Variants in STK32B observed in about 807,000 individuals in gnomAD.
STK32B encodes serine/threonine-protein kinase 32B.
Under a neutral mutation model 52.6 loss-of-function variants are expected in STK32B, and 43 were observed. That is an observed-to-expected ratio of 0.82 (90% CI 0.64 to 1.05). The LOEUF is 1.05. Among genes scored for constraint, STK32B ranks in the 50% least tolerant of loss-of-function variants. The pLI, the probability that STK32B is intolerant of heterozygous loss-of-function variation, is 0.00. For missense variants in STK32B, 621 were observed against 534.6 expected, an observed-to-expected ratio of 1.16 and a Z score of -1.59; for synonymous variants, 238 against 204.3, an observed-to-expected ratio of 1.17 and a Z score of -1.41.
intron 3 of STK32B, among the ~76,000 whole-genome samples, chr4:5,302,456 C>T (rs553576051): frequency 1.3e-5 from 2 of 152,124 alleles, no homozygotes; most frequent in Non-Finnish European, 2.9e-5. Flanking sequence ...TTACATTGTA[C>T]ATTTAGATCT....
chr4:5,142,907 T>G (rs1040000395), intron 2 of STK32B, among the ~76,000 whole-genome samples: 1 of 152,152 alleles, frequency 6.6e-6, no homozygotes, highest in African/African-American at 2.4e-5. Context: ...TTGAAGACTT[T>G]AGGAGAAAAA....
intron 6 of STK32B, among the ~76,000 whole-genome samples, chr4:5,425,403 G>A (rs1201040530): frequency 6.6e-6 from 1 of 152,212 alleles, no homozygotes; most frequent in African/African-American, 2.4e-5. Context: ...TGGCAAAGCT[G>A]GCATTTGGCC....
At chr4:5,190,789 T>G (rs1472400735) in intron 3 of STK32B, among the ~76,000 whole-genome samples, 1 of 152,052 alleles carries the variant, frequency 6.6e-6, no homozygotes, top group African/African-American at 2.4e-5. Flanking sequence ...AAGTAGCACC[T>G]CTTGGGTTTT....
intron 2 of STK32B, among the ~76,000 whole-genome samples, chr4:5,142,801 C>T (rs145953200): frequency 2.0e-5 from 3 of 152,252 alleles, no homozygotes; most frequent in African/African-American, 7.2e-5. Context: ...GATGTCCCTG[C>T]GAAGGTATTT....
At chr4:5,036,648 G>C in the STK32B span, among the ~76,000 whole-genome samples, 1 of 148,314 alleles carries the variant, frequency 6.7e-6, no homozygotes. Flanking sequence ...TAAATACCAA[G>C]GCAAGGGTGG....
intron 1 of STK32B, among the ~76,000 whole-genome samples, chr4:5,089,916 G>A (rs764895558): frequency 5.9e-5 from 9 of 152,070 alleles, no homozygotes; most frequent in Non-Finnish European, 1.0e-4. Context: ...TCTGACTGGC[G>A]TGAGATGGTA....
chr4:5,381,626 G>A (rs911536392), intron 4 of STK32B, among the ~76,000 whole-genome samples: 1 of 152,308 alleles, frequency 6.6e-6, no homozygotes, highest in East Asian at 1.9e-4. Flanking sequence ...TCTTGCCTTC[G>A]CTACCCAGAG....
intron 4 of STK32B, among the ~76,000 whole-genome samples, chr4:5,351,965 C>T (rs1733854843): frequency 6.6e-6 from 1 of 151,906 alleles, no homozygotes; most frequent in African/African-American, 2.4e-5. Flanking sequence ...TAAAAAGTCT[C>T]TCAAAAAAGA....
At chr4:5,486,795 T>C (rs1290922482) in intron 11 of STK32B, among the ~76,000 whole-genome samples, 1 of 152,228 alleles carries the variant, frequency 6.6e-6, no homozygotes, top group Non-Finnish European at 1.5e-5. Context: ...ATTCAGGGCA[T>C]ACATTGCAGA....
At chr4:5,314,948 T>C (rs1418770135) in intron 3 of STK32B, among the ~76,000 whole-genome samples, 1 of 152,178 alleles carries the variant, frequency 6.6e-6, no homozygotes, top group Non-Finnish European at 1.5e-5. Flanking sequence ...CAAAAGCATG[T>C]ATCATAAAAG....
intron 1 of STK32B, among the ~76,000 whole-genome samples, chr4:5,079,375 G>C (rs374236222): frequency 1.3e-3 from 200 of 152,160 alleles, no homozygotes; most frequent in African/African-American, 4.7e-3. Context: ...TATCAATCTT[G>C]ACTTTATTCC....
At chr4:5,177,881 C>T (rs187319360) in intron 3 of STK32B, among the ~76,000 whole-genome samples, 2 of 152,246 alleles carry the variant, frequency 1.3e-5, no homozygotes, top group Non-Finnish European at 2.9e-5. Flanking sequence ...GCAGCTCTGC[C>T]TCTGTGGCTT....
At chr4:5,496,446 G>T (rs925520461) in intron 11 of STK32B, among the ~76,000 whole-genome samples, 10 of 152,130 alleles carry the variant, frequency 6.6e-5, no homozygotes, top group African/African-American at 2.2e-4. Context: ...GTATTGGGGT[G>T]GGAGTGACCC....
At chr4:5,162,420 T>A (rs1718519778) in intron 2 of STK32B, among the ~76,000 whole-genome samples, 1 of 152,176 alleles carries the variant, frequency 6.6e-6, no homozygotes, top group African/African-American at 2.4e-5. Context: ...AAGTCAGGAC[T>A]GTGACCACCG....
intron 6 of STK32B, among the ~76,000 whole-genome samples, chr4:5,426,692 C>CAAAAACAAAAAA (rs1713128025): frequency 1.3e-5 from 1 of 78,014 alleles, no homozygotes; most frequent in Non-Finnish European, 2.4e-5. Context: ...TCCATCTAAA[C>CAAAAACAAAAAA]AAAAAAAAAA....
In STK32B at chr4:5,298,616, A is replaced by G. The variant is rs1329730109; in HGVS notation, c.261-32604A>G. On this transcript the variant is annotated intron_variant, in intron 3 of 11. Transcript: ENST00000282908. ...AAAAACTGCCTACTCAAGCCTCAGTAATGGCAGGTGCCCCTCCCCACCACC... is the reference window on the plus strand; with the variant it reads ...AAAAACTGCCTACTCAAGCCTCAGTGATGGCAGGTGCCCCTCCCCACCACC... Among the ~76,000 whole-genome samples, 10 of 152,086 alleles carry G rather than the reference A, an allele frequency of 6.6e-5. No homozygotes were observed. In the East Asian group the frequency reaches 1.4e-3, roughly 21 times the overall value.
At chr4:5,332,645 G>A (rs965442523) in intron 4 of STK32B, among the ~76,000 whole-genome samples, 3 of 151,890 alleles carry the variant, frequency 2.0e-5, no homozygotes, top group East Asian at 1.9e-4. Flanking sequence ...ATCCCTCCCC[G>A]CTGCCTCCAC....
chr4:5,431,683 A>G (rs897993795), intron 6 of STK32B, among the ~76,000 whole-genome samples: 1 of 152,204 alleles, frequency 6.6e-6, no homozygotes, highest in African/African-American at 2.4e-5. Flanking sequence ...ACTAATGGTC[A>G]ACAGCTGAGC....
the STK32B span, among the ~76,000 whole-genome samples, chr4:5,027,662 C>A: frequency 3.3e-5 from 5 of 152,158 alleles, no homozygotes; most frequent in Non-Finnish European, 7.3e-5. Context: ...TGGTTATCAA[C>A]CCTGTTCCAT....
Sources: gnomAD v4.1 joint callset for allele counts (sites outside exome capture counted in the v4.1 genomes callset) on GRCh38, gnomAD v4.1.1 for gene constraint, MANE v1.5 for transcripts, NCBI Gene and HGNC (gene_info 2026-07-23, HGNC 2026-07-21) for gene names.